AFF3: variants seen among roughly 807,000 people sequenced by gnomAD.
AFF3 encodes AF4/FMR2 family member 3.
AFF3 carries 32 observed loss-of-function variants against 129.7 expected under a neutral mutation model. The ratio of observed to expected loss-of-function variants is 0.25; its 90% confidence interval spans 0.19 to 0.33. The LOEUF is 0.33. Ranked by LOEUF, AFF3 falls within the 10% of genes least tolerant of loss-of-function variation. The pLI is 1.00. For synonymous variants in AFF3, 644 were observed against 635.4 expected (o/e 1.01, Z -0.20); for missense variants, 1,373 against 1,592.0 (o/e 0.86, Z 2.34).
In AFF3 at chr2:100,056,061, TCTCACACACACA is replaced by T. The variant is rs1409312697; in HGVS notation, c.54-47141_54-47130del. Among the ~76,000 whole-genome samples the T allele has an allele frequency of 2.9e-3, 382 of 133,530 alleles. 2 individuals carry two copies. The highest frequency in any genetic ancestry group is 0.01 in the African/African-American group (352 of 33,872). 87.6% of individuals were successfully genotyped at this position (133,530 alleles called of 152,430 possible). A position where few individuals can be genotyped will look rare whatever the true frequency, so the allele number is the denominator to read the frequency against. ...ACAAAAAAAAAAATCGCTGTCTCTCTCTCACACACACACACACACACACACACACACACACAC... is the reference window on the plus strand; with the variant it reads ...ACAAAAAAAAAAATCGCTGTCTCTCTCACACACACACACACACACACACAC... On this transcript the variant is annotated intron_variant, in intron 4 of 24. Coordinates refer to ENST00000672756, the MANE Select transcript of AFF3 (RefSeq NM_001386135.1).
At chr2:99,724,748 A>G (rs1679220909) in intron 11 of AFF3, among the ~76,000 whole-genome samples, 1 of 152,160 alleles carries the variant, frequency 6.6e-6, no homozygotes, top group South Asian at 2.1e-4. Context: ...CTCATACCCA[A>G]TTATAACAGA....
chr2:99,925,550 A>C (rs1312504069), intron 7 of AFF3, among the ~76,000 whole-genome samples: 1 of 152,202 alleles, frequency 6.6e-6, no homozygotes, highest in African/African-American at 2.4e-5. Context: ...AGTTTGTGAA[A>C]TGAGTGCTCT....
At chr2:99,692,862 A>G (rs1179001442) in intron 11 of AFF3, among the ~76,000 whole-genome samples, 2 of 152,238 alleles carry the variant, frequency 1.3e-5, no homozygotes, top group Non-Finnish European at 2.9e-5. Context: ...CTTAAGCTGT[A>G]TCAGCTTCCT....
At position 99,748,606 on chromosome 2, in the gene AFF3, C is replaced by A. The variant is rs115734920; in HGVS notation, c.1002+3615G>T. Among the ~76,000 whole-genome samples the A allele has an allele frequency of 9.5e-3, 1,441 of 152,286 alleles. 25 individuals are homozygous for A. Among genetic ancestry groups the A allele is most frequent in the African/African-American group, 0.033 (1,366 of 41,562 alleles). Reference sequence around the variant, plus strand: ...TGTTTCCTGCCTGGCAAATTTCATTCTTCCTTCGAGGCTCTGCACAGGTAA... The same window carrying A: ...TGTTTCCTGCCTGGCAAATTTCATTATTCCTTCGAGGCTCTGCACAGGTAA... On this transcript the variant is annotated intron_variant, in intron 9 of 24. Coordinates refer to ENST00000672756, the MANE Select transcript of AFF3 (RefSeq NM_001386135.1).
chr2:99,696,382 G>C lies in AFF3; in HGVS notation c.1092-23793C>G, dbSNP rs995457341. Among the ~76,000 whole-genome samples the C allele has an allele frequency of 2.0e-5, 3 of 152,200 alleles. 1 individual carries two copies. The South Asian group carries it at 6.2e-4, about 32-fold the overall frequency. On this transcript the variant is annotated intron_variant, in intron 11 of 24. Coordinates refer to ENST00000672756, the MANE Select transcript of AFF3 (RefSeq NM_001386135.1). Reference sequence around the variant, plus strand: ...GCCAAAGAGTGTGCAATTTTAAGTCGGTTTATCTAACACTTCTATTACTCA... The same window carrying C: ...GCCAAAGAGTGTGCAATTTTAAGTCCGTTTATCTAACACTTCTATTACTCA...
intron 7 of AFF3, among the ~76,000 whole-genome samples, chr2:99,896,871 G>A (rs1407528202): frequency 4.6e-5 from 7 of 151,742 alleles, no homozygotes; most frequent in African/African-American, 2.4e-5. Context: ...TCCTGACCTC[G>A]TGATCTGCCC....
intron 8 of AFF3, among the ~76,000 whole-genome samples, chr2:99,816,180 T>A (rs568030467): frequency 1.5e-4 from 23 of 152,312 alleles, no homozygotes; most frequent in Middle Eastern, 3.4e-3. Context: ...TTTTCCATTT[T>A]AAAAATTTTT....
intron 2 of AFF3, among the ~76,000 whole-genome samples, chr2:100,115,874 G>A (rs1185960468): frequency 2.0e-5 from 3 of 152,106 alleles, no homozygotes; most frequent in Non-Finnish European, 4.4e-5. Flanking sequence ...CAGATAAACA[G>A]TTCTTTTCCT....
intron 11 of AFF3, among the ~76,000 whole-genome samples, chr2:99,703,431 C>T (rs989638156): frequency 6.6e-6 from 1 of 152,110 alleles, no homozygotes; most frequent in Non-Finnish European, 1.5e-5. Context: ...TTTTTGGATA[C>T]GATGTGAAGT....
intron 13 of AFF3, among the ~76,000 whole-genome samples, chr2:99,645,949 G>A (rs1485317971): frequency 6.6e-6 from 1 of 152,032 alleles, no homozygotes; most frequent in Admixed American, 6.5e-5. Context: ...CAACCCAGAG[G>A]GATGAGACTT....
At chr2:99,866,694 C>T (rs994979680) in intron 7 of AFF3, among the ~76,000 whole-genome samples, 10 of 152,084 alleles carry the variant, frequency 6.6e-5, no homozygotes, top group East Asian at 5.8e-4. Flanking sequence ...CAAGCACTGG[C>T]GGTCGGGCGT....
intron 13 of AFF3, among the ~76,000 whole-genome samples, chr2:99,641,463 A>C (rs574648271): frequency 1.3e-5 from 2 of 152,158 alleles, no homozygotes; most frequent in African/African-American, 4.8e-5. Flanking sequence ...GGATCACCTG[A>C]GGTCAGGAGT....
Position 99,758,788 on chromosome 2 carries a change from G to T in AFF3, c.922-6487C>A, listed in dbSNP as rs530028299. ...CAGCAAGGAAGTTAAAGCTCAAAAA[G>T]ATTAACTGATTAGTCCAAGGTCACT... On this transcript the variant is annotated intron_variant, in intron 8 of 24. Transcript: ENST00000672756. 2.0e-5 allele frequency among the ~76,000 whole-genome samples: 3 copies of T among 152,186 alleles called. No individual in the cohort carries two copies. In the East Asian group the frequency reaches 5.8e-4, roughly 29 times the overall value.
chr2:99,828,412 C>T (rs1251309315), intron 8 of AFF3, among the ~76,000 whole-genome samples: 3 of 152,222 alleles, frequency 2.0e-5, no homozygotes, highest in Non-Finnish European at 4.4e-5. Flanking sequence ...GTCCGCGATC[C>T]AGACCTCCAG....
At chr2:99,746,555 A>G (rs1306061522) in intron 9 of AFF3, among the ~76,000 whole-genome samples, 1 of 152,220 alleles carries the variant, frequency 6.6e-6, no homozygotes, top group Admixed American at 6.5e-5. Flanking sequence ...GAGCTATTCA[A>G]CTGAAGAAAA....
intron 8 of AFF3, among the ~76,000 whole-genome samples, chr2:99,787,969 C>T (rs184915345): frequency 6.6e-6 from 1 of 152,286 alleles, no homozygotes; most frequent in Non-Finnish European, 1.5e-5. Context: ...TATATGAGGG[C>T]AGTCCTGTAA....
intron 14 of AFF3, 50 bp downstream of exon 14, chr2:99,601,385 C>A: frequency 1.3e-6 from 2 of 1,507,376 alleles, no homozygotes; most frequent in Non-Finnish European, 8.9e-7. Flanking sequence ...TTGCTATCCT[C>A]ATAGAGACAG....
At chr2:99,712,690 T>G (rs974786674) in intron 11 of AFF3, among the ~76,000 whole-genome samples, 1 of 152,214 alleles carries the variant, frequency 6.6e-6, no homozygotes, top group African/African-American at 2.4e-5. Flanking sequence ...CGGTATAAAA[T>G]GTACTTCTGA....
At chr2:99,999,378 T>C (rs1224476109) in intron 7 of AFF3, among the ~76,000 whole-genome samples, 1 of 152,226 alleles carries the variant, frequency 6.6e-6, no homozygotes, top group Non-Finnish European at 1.5e-5. Context: ...GCACCTTCTT[T>C]CATCCATATC....
Sources: gnomAD v4.1 joint callset for allele counts (sites outside exome capture counted in the v4.1 genomes callset) on GRCh38, gnomAD v4.1.1 for gene constraint, MANE v1.5 for transcripts, NCBI Gene and HGNC (gene_info 2026-07-23, HGNC 2026-07-21) for gene names.